Variants in ESPL1 observed in about 807,000 individuals in gnomAD.
ESPL1 encodes the protein extra spindle pole bodies like 1, separase.
ESPL1 carries 50 observed loss-of-function variants against 217.2 expected under a neutral mutation model. The observed-to-expected ratio is 0.23, with a 90% CI of 0.18 to 0.29. The LOEUF (loss-of-function observed/expected upper bound fraction) is 0.29, where lower values mean the gene tolerates loss of function less well. Ranked by LOEUF, ESPL1 falls within the 10% of genes least tolerant of loss-of-function variation. The pLI is 1.00. For synonymous variants in ESPL1, 994 were observed against 1,081.3 expected (o/e 0.92, Z 1.58); for missense variants, 1,834 against 2,603.0 (o/e 0.70, Z 6.43).
chr12:53,286,091 A>G lies in ESPL1; in HGVS notation c.3355A>G (p.Ile1119Val). ...VATVAKEPGP[I>V]APSTNSSPVL... Reference sequence around the variant, plus strand: ...CACTGTGGCCAAGGAGCCTGGCCCCATAGCACCTTCTACAAACTCCTCCCC... The same window carrying G: ...CACTGTGGCCAAGGAGCCTGGCCCCGTAGCACCTTCTACAAACTCCTCCCC... Residue 1119 changes from isoleucine to valine, a missense_variant, in exon 18 of 31, where the codon ATA becomes GTA. Coordinates refer to ENST00000257934, the MANE Select transcript of ESPL1 (RefSeq NM_012291.5). The surrounding 1 kb of genome is among the most constrained non-coding windows in gnomAD (Gnocchi z 5.3). 3 of 1,613,084 alleles carry G rather than the reference A, an allele frequency of 1.9e-6. No homozygotes were observed. Among genetic ancestry groups the G allele is most frequent in the African/African-American group, 1.3e-5 (1 of 75,030 alleles).
At chr12:53,275,057 CTT>C in intron 7 of ESPL1, 47 bp downstream of exon 7, 1 of 1,436,520 alleles carries the variant, frequency 7.0e-7, no homozygotes, top group Non-Finnish European at 9.3e-7. Flanking sequence ...AATCCCAGCA[CTT>C]TGGGAAGCCG....
At chr12:53,288,916 A>T (rs961978283) in intron 20 of ESPL1, 174 bp from the exon 21 acceptor site, 1 of 709,564 alleles carries the variant, frequency 1.4e-6, no homozygotes, top group Non-Finnish European at 2.4e-6. Flanking sequence ...AGCATGGTGG[A>T]ATAAGTTGAT....
intron 23 of ESPL1, 30 bp from the exon 24 acceptor site, chr12:53,290,317 G>A (rs559633352): frequency 1.2e-6 from 2 of 1,611,282 alleles, no homozygotes; most frequent in Non-Finnish European, 1.7e-6. Flanking sequence ...ACGTGGACAA[G>A]CAGAGCTCTC....
Position 53,288,188 on chromosome 12 carries a change from C to T in ESPL1, c.4393C>T (p.His1465Tyr), listed in dbSNP as rs143441853. Residue 1465 changes from histidine to tyrosine, a missense_variant, in exon 19 of 31, where the codon CAT (histidine) becomes TAT (tyrosine). Coordinates refer to ENST00000257934, the MANE Select transcript of ESPL1 (RefSeq NM_012291.5). ...SRRAKKVASRHCEERRPQRAS... is the reference protein window; with the variant it reads ...SRRAKKVASRYCEERRPQRAS... ...GAGGGCCAAGAAGGTGGCATCAAGA[C>T]ATTGTGAGGAGCGGCGTCCCCAGAG... 2.5e-6 allele frequency: 4 copies of T among 1,612,034 alleles called. No homozygotes were observed. The African/African-American group carries it at 4.0e-5, about 16-fold the overall frequency.
Position 53,276,710 on chromosome 12 carries a change from C to G in ESPL1, c.1791C>G (p.Ala597=). ...TGCAGGCCTACAAGGCGGTGCGGGC[C>G]GACACTGGACAGGAACGCTTCAACA... ...EELQAYKAVR[A]DTGQERFNII... Residue 597 remains alanine (A), a synonymous_variant, in exon 8 of 31, where the codon GCC becomes GCG. Transcript: ENST00000257934. The G allele has an allele frequency of 6.2e-7, 1 of 1,613,246 alleles. No homozygotes were observed. Among genetic ancestry groups the G allele is most frequent in the Non-Finnish European group, 8.5e-7 (1 of 1,180,020 alleles).
At chr12:53,284,741 C>T (rs1462628369) in intron 17 of ESPL1, among the ~76,000 whole-genome samples, 3 of 151,278 alleles carry the variant, frequency 2.0e-5, no homozygotes, top group African/African-American at 7.3e-5. Context: ...GGGCCGGGCT[C>T]GGTGGCTCAT....
At chr12:53,279,083 G>T (rs1165198501) in intron 11 of ESPL1, among the ~76,000 whole-genome samples, 1 of 152,126 alleles carries the variant, frequency 6.6e-6, no homozygotes, top group Non-Finnish European at 1.5e-5. Flanking sequence ...TAGAGATGGG[G>T]TTTCACTATG....
intron 2 of ESPL1, 44 bp downstream of exon 2, chr12:53,268,891 T>C (rs760040291): frequency 3.2e-6 from 5 of 1,553,584 alleles, no homozygotes; most frequent in Non-Finnish European, 3.5e-6. Flanking sequence ...CTTTCCAAAC[T>C]GAGCTGTTTT....
chr12:53,284,390 G>A (rs922801426), intron 17 of ESPL1, among the ~76,000 whole-genome samples: 7 of 152,064 alleles, frequency 4.6e-5, no homozygotes, highest in Admixed American at 6.6e-5. Flanking sequence ...AAGTAGCTGG[G>A]ACTACAGGCA....
At chr12:53,272,077 A>G (rs1221667199) in intron 5 of ESPL1, among the ~76,000 whole-genome samples, 6 of 108,970 alleles carry the variant, frequency 5.5e-5, no homozygotes, top group African/African-American at 2.4e-4. Flanking sequence ...ACAGAGCAAG[A>G]CTCTGTCTCA....
chr12:53,276,898 G>T lies in ESPL1; in HGVS notation c.1940+39G>T, dbSNP rs368065388. 252 of 1,601,460 alleles carry T rather than the reference G, an allele frequency of 1.6e-4. 1 individual carries two copies. The highest frequency in any genetic ancestry group is 2.0e-4 in the Non-Finnish European group (239 of 1,172,664). ...GCTGCAGAGGCCACTCTTGCTCCTTGCCCTAGGTCCTCTCACCCTCTTGAG... is the reference window on the plus strand; with the variant it reads ...GCTGCAGAGGCCACTCTTGCTCCTTTCCCTAGGTCCTCTCACCCTCTTGAG... On this transcript the variant is annotated intron_variant, in intron 8 of 30. Coordinates refer to ENST00000257934, the MANE Select transcript of ESPL1 (RefSeq NM_012291.5).
In ESPL1 at chr12:53,290,146, C is replaced by G. The variant is rs1053280752; in HGVS notation, c.5175C>G (p.Leu1725=). Residue 1725 remains leucine (L), a synonymous_variant, in exon 23 of 31, where the codon CTC becomes CTG. Coordinates refer to ENST00000257934, the MANE Select transcript of ESPL1 (RefSeq NM_012291.5). ...TLQPGTVGNT[L]LLTRLEKDSP... is the part of the protein sequence containing the mutation. ...AGCCCGGAACCGTGGGCAACACCCT[C>G]CTGCTGACCCGGCTGGAAAAGGACA... is the stretch of plus-strand genomic sequence containing the variant. 3 of 1,614,026 alleles carry G rather than the reference C, an allele frequency of 1.9e-6. No homozygotes were observed. Among genetic ancestry groups the G allele is most frequent in the Non-Finnish European group, 1.7e-6 (2 of 1,180,032 alleles).
In ESPL1 at chr12:53,290,393, C is replaced by T. The variant is rs1484347695; in HGVS notation, c.5288C>T (p.Ala1763Val). ...AATGAGTTTGATGCCATCCAGAAGG[C>T]ACAGAAAGAGAACAGCAGCTGTACT... Reference protein sequence around the residue: ...VLNEFDAIQKAQKENSSCTDK... With the variant: ...VLNEFDAIQKVQKENSSCTDK... Residue 1763 changes from alanine (A) to valine (V), a missense_variant, in exon 24 of 31, where the codon GCA (alanine) becomes GTA (valine). Ala to Val is a moderately conservative substitution (Grantham distance 64, BLOSUM62 0). Around this residue, in one of 5 missense-constraint regions of ESPL1, gnomAD observed 295 missense variants for 519.8 expected, o/e 0.57. Coordinates refer to ENST00000257934, the MANE Select transcript of ESPL1 (RefSeq NM_012291.5). The T allele has an allele frequency of 6.2e-7, 1 of 1,613,342 alleles. No homozygotes were observed. Among genetic ancestry groups the T allele is most frequent in the East Asian group, 2.2e-5 (1 of 44,890 alleles).
intron 17 of ESPL1, 63 bp from the exon 18 acceptor site, chr12:53,285,861 G>A (rs1468762233): frequency 2.4e-5 from 34 of 1,404,502 alleles, no homozygotes; most frequent in Admixed American, 7.0e-5. Context: ...CCCCAAGGTC[G>A]CTCAGGAAGT....
chr12:53,283,845 G>C (rs1443944211), intron 16 of ESPL1, among the ~76,000 whole-genome samples: 1 of 152,150 alleles, frequency 6.6e-6, no homozygotes, highest in Non-Finnish European at 1.5e-5. Context: ...ATGCAGTTTG[G>C]GAAATCCTGT....
intron 18 of ESPL1, chr12:53,287,200 G>A (rs1333516345): frequency 3.8e-6 from 1 of 261,748 alleles, no homozygotes; most frequent in Non-Finnish European, 7.2e-6. Flanking sequence ...AGCTTCCCGA[G>A]TAGCTGGGAC....
chr12:53,290,558 C>A, intron 24 of ESPL1, 89 bp downstream of exon 24: 1 of 1,390,350 alleles, frequency 7.2e-7, no homozygotes, highest in Non-Finnish European at 1.0e-6. Context: ...TGGGTCAGTG[C>A]TAAAGCCACT....
intron 11 of ESPL1, among the ~76,000 whole-genome samples, chr12:53,278,695 G>T (rs1943813083): frequency 6.6e-6 from 1 of 151,008 alleles, no homozygotes; most frequent in Non-Finnish European, 1.5e-5. Flanking sequence ...GGGTTCAAGT[G>T]ATTCTCCTGC....
intron 11 of ESPL1, among the ~76,000 whole-genome samples, chr12:53,279,419 G>A (rs1197250127): frequency 2.0e-5 from 3 of 152,246 alleles, no homozygotes; most frequent in African/African-American, 2.4e-5. Flanking sequence ...CTTAACCCAT[G>A]TGAGTCTTAG....
Sources: gnomAD v4.1 joint callset for allele counts (sites outside exome capture counted in the v4.1 genomes callset) on GRCh38, gnomAD v4.1.1 for gene constraint, gnomAD v4.1.1 regional missense constraint, Gnocchi (gnomAD v3.1) non-coding constraint, MANE v1.5 for transcripts, NCBI Gene and HGNC (gene_info 2026-07-23, HGNC 2026-07-21) for gene names.